FBXL13: variants seen among roughly 807,000 people sequenced by gnomAD.
FBXL13 encodes the protein F-box and leucine rich repeat protein 13.
Under a neutral mutation model 83.6 loss-of-function variants are expected in FBXL13, and 67 were observed. That is an observed-to-expected ratio of 0.80 (90% CI 0.66 to 0.98). The LOEUF is 0.98. FBXL13 is among the 50% of genes least tolerant of loss of function. FBXL13 has a pLI of 0.00. For synonymous variants in FBXL13, 272 were observed against 299.5 expected, an observed-to-expected ratio of 0.91 and a Z score of 0.95; for missense variants, 822 against 866.5, an observed-to-expected ratio of 0.95 and a Z score of 0.64.
At chr7:103,052,076 A>G (rs1421318757) in intron 2 of FBXL13, among the ~76,000 whole-genome samples, 2 of 152,232 alleles carry the variant, frequency 1.3e-5, no homozygotes, top group Non-Finnish European at 2.9e-5. Flanking sequence ...TGTGTAGTGT[A>G]AGACTGAAAA....
At chr7:102,923,589 G>T (rs1274602422) in intron 10 of FBXL13, among the ~76,000 whole-genome samples, 1 of 150,340 alleles carries the variant, frequency 6.7e-6, no homozygotes, top group African/African-American at 2.4e-5. Context: ...TTGGGAGGCT[G>T]AGGCAGGCGG....
At position 102,864,293 on chromosome 7, in the gene FBXL13, C is replaced by T. The variant is rs75951591; in HGVS notation, c.1636-9433G>A. Among the ~76,000 whole-genome samples, 204 of 152,324 alleles carry T rather than the reference C, an allele frequency of 1.3e-3. 6 individuals are homozygous for T. The East Asian group carries it at 0.038, about 29-fold the overall frequency. On this transcript the variant is annotated intron_variant, in intron 16 of 19. Transcript: ENST00000313221. ...TGCCTCCAGGCCTTATCATCTGCTT[C>T]TTCCTCCAGCTTTCAGCTGCATCCC...
intron 6 of FBXL13, among the ~76,000 whole-genome samples, chr7:102,996,623 G>T (rs964873459): frequency 1.3e-5 from 2 of 152,258 alleles, no homozygotes; most frequent in African/African-American, 4.8e-5. Context: ...TTGTGACAAA[G>T]TTCTAACCTA....
At chr7:103,041,984 G>A (rs1795761168) in intron 2 of FBXL13, among the ~76,000 whole-genome samples, 1 of 152,108 alleles carries the variant, frequency 6.6e-6, no homozygotes, top group African/African-American at 2.4e-5. Flanking sequence ...AGGCAATCAG[G>A]CAAGAGAAAG....
chr7:102,884,198 C>G lies in FBXL13; in HGVS notation c.1107+16G>C. On this transcript the variant is annotated intron_variant, in intron 12 of 19. Coordinates refer to ENST00000313221, the Ensembl canonical transcript of FBXL13. ...CTTATGGGACAGAAAAGTAAAGGTA[C>G]TTCCCAACTACCTACTTTTACACAG... 6.4e-7 allele frequency: 1 copy of G among 1,572,818 alleles called. No homozygotes were observed. Among genetic ancestry groups the G allele is most frequent in the South Asian group, 1.1e-5 (1 of 90,194 alleles).
chr7:102,830,824 A>G (rs1249340052), intron 18 of FBXL13, among the ~76,000 whole-genome samples: 2 of 152,190 alleles, frequency 1.3e-5, no homozygotes, highest in African/African-American at 4.8e-5. Context: ...AGGATTTTCA[A>G]AAAAATTTCT....
intron 8 of FBXL13, among the ~76,000 whole-genome samples, chr7:102,937,007 G>A (rs1375981589): frequency 2.0e-5 from 3 of 151,764 alleles, no homozygotes; most frequent in Admixed American, 1.3e-4. Flanking sequence ...TTATTGTTGT[G>A]TAAACACAAC....
exon 4 of FBXL13, chr7:103,028,628 A>G (rs371436324): frequency 9.4e-6 from 15 of 1,593,922 alleles, no homozygotes; most frequent in South Asian, 1.2e-5. Context: ...GGTCTTCCAT[A>G]TAAGAGTGCC....
At chr7:103,043,600 C>T (rs1795973901) in intron 2 of FBXL13, among the ~76,000 whole-genome samples, 1 of 152,206 alleles carries the variant, frequency 6.6e-6, no homozygotes, top group South Asian at 2.1e-4. Flanking sequence ...CAACCTCAGC[C>T]TTCAGGGTCT....
intron 10 of FBXL13, among the ~76,000 whole-genome samples, chr7:102,915,122 A>ATAT (rs1815579810): frequency 1.6e-5 from 2 of 128,068 alleles, no homozygotes; most frequent in African/African-American, 5.8e-5. Flanking sequence ...AGATTAAAAT[A>ATAT]TTTTTTTTTT....
intron 6 of FBXL13, among the ~76,000 whole-genome samples, chr7:103,023,124 A>G (rs1793411278): frequency 6.6e-6 from 1 of 152,110 alleles, no homozygotes; most frequent in Non-Finnish European, 1.5e-5. Flanking sequence ...AAAATACAAA[A>G]AATTAGCCGG....
intron 19 of FBXL13, among the ~76,000 whole-genome samples, chr7:102,817,115 T>G (rs1485200555): frequency 6.6e-6 from 1 of 152,174 alleles, no homozygotes; most frequent in Non-Finnish European, 1.5e-5. Context: ...TTCCTTTGGG[T>G]AGATACCCAG....
chr7:102,942,233 C>A (rs1405654285), intron 8 of FBXL13: 4 of 1,367,428 alleles, frequency 2.9e-6, no homozygotes, highest in African/African-American at 1.5e-5. Flanking sequence ...AGTATCTTGG[C>A]AGTTAAGGCA....
intron 8 of FBXL13, among the ~76,000 whole-genome samples, chr7:102,943,674 G>C (rs1032391375): frequency 6.6e-6 from 1 of 152,154 alleles, no homozygotes; most frequent in Non-Finnish European, 1.5e-5. Flanking sequence ...TCTCATCCCT[G>C]TGTAGCCAAG....
At chr7:102,942,197 G>C (rs1821591372) in intron 8 of FBXL13, 3 of 921,304 alleles carry the variant, frequency 3.3e-6, no homozygotes, top group South Asian at 1.6e-5. Flanking sequence ...CACTTTCCTA[G>C]AACAAAAGTT....
intron 8 of FBXL13, among the ~76,000 whole-genome samples, chr7:102,954,862 C>A (rs1017187452): frequency 2.0e-5 from 3 of 152,106 alleles, no homozygotes; most frequent in Admixed American, 6.5e-5. Flanking sequence ...TATATATGCA[C>A]CCAATACAGG....
intron 6 of FBXL13, among the ~76,000 whole-genome samples, chr7:103,011,107 C>T (rs1791567586): frequency 6.6e-6 from 1 of 152,308 alleles, no homozygotes; most frequent in African/African-American, 2.4e-5. Flanking sequence ...AGAACCAGTG[C>T]AAGAACTCTG....
intron 4 of FBXL13, 24 bp downstream of exon 5, chr7:103,028,576 A>C (rs746780473): frequency 1.4e-6 from 2 of 1,478,514 alleles, no homozygotes; most frequent in Non-Finnish European, 1.8e-6. Context: ...TACAAAAAGT[A>C]ATTGCTACTA....
At chr7:103,058,910 T>C (rs1229770009) in intron 1 of FBXL13, among the ~76,000 whole-genome samples, 1 of 152,328 alleles carries the variant, frequency 6.6e-6, no homozygotes, top group South Asian at 2.1e-4. Context: ...GTCTCTGAAA[T>C]GCTAATAAAG....
Sources: gnomAD v4.1 joint callset for allele counts (sites outside exome capture counted in the v4.1 genomes callset) on GRCh38, gnomAD v4.1.1 for gene constraint, MANE v1.5 for transcripts, NCBI Gene and HGNC (gene_info 2026-07-23, HGNC 2026-07-21) for gene names.